CAST: variants seen among roughly 807,000 people sequenced by gnomAD.
The protein encoded by CAST is MIR583 host.
Under a neutral mutation model 119.6 loss-of-function variants are expected in CAST, and 76 were observed. The observed-to-expected ratio is 0.64, with a 90% CI of 0.53 to 0.77. The LOEUF (loss-of-function observed/expected upper bound fraction) is 0.77. CAST is among the 30% of genes least tolerant of loss of function. The probability of loss-of-function intolerance (pLI) is 0.00; values close to 1 mark genes in which losing one functional copy is unlikely to be tolerated. For synonymous variants in CAST, 319 were observed against 331.6 expected, an observed-to-expected ratio of 0.96 and a Z score of 0.41; for missense variants, 953 against 946.5, an observed-to-expected ratio of 1.01 and a Z score of -0.09.
chr5:96,091,206 C>CT, the CAST span, among the ~76,000 whole-genome samples: 3,244 of 143,278 alleles, frequency 0.023, 92 homozygotes, highest in African/African-American at 0.071. Context: ...GAATCTCTCT[C>CT]TTTTTTTTTT....
chr5:96,667,940 G>C (rs184956857), intron 1 of CAST, among the ~76,000 whole-genome samples: 1 of 152,176 alleles, frequency 6.6e-6, no homozygotes, highest in Non-Finnish European at 1.5e-5. Flanking sequence ...GCGTGAACCC[G>C]CGAGGCGGAG....
chr5:96,230,616 A>G, the CAST span, among the ~76,000 whole-genome samples: 4 of 152,096 alleles, frequency 2.6e-5, no homozygotes, highest in African/African-American at 7.2e-5. Flanking sequence ...GACTCCAAAA[A>G]CGTAAGCAAT....
upstream of CAST, among the ~76,000 whole-genome samples, chr5:96,526,636 A>T (rs1433672283): frequency 1.3e-5 from 2 of 152,202 alleles, no homozygotes; most frequent in African/African-American, 4.8e-5. Flanking sequence ...TTCTGAACCC[A>T]TTCAGTCACA....
chr5:96,746,462 T>TG (rs1468521634), intron 17 of CAST, 37 bp downstream of exon 17: 5 of 1,121,210 alleles, frequency 4.5e-6, no homozygotes, highest in Non-Finnish European at 5.5e-6. Context: ...AACAGCATCT[T>TG]GCCTTTGCAT....
At chr5:96,524,463 G>A (rs1745567719), upstream of CAST, among the ~76,000 whole-genome samples, 1 of 152,204 alleles carries the variant, frequency 6.6e-6, no homozygotes, top group Non-Finnish European at 1.5e-5. Flanking sequence ...CAGGGACTCA[G>A]CATTCCAGCA....
chr5:96,216,549 C>A, the CAST span, among the ~76,000 whole-genome samples: 2 of 152,142 alleles, frequency 1.3e-5, no homozygotes, highest in African/African-American at 4.8e-5. Flanking sequence ...ATCTTTTACC[C>A]ACACATGATT....
the CAST span, chr5:96,423,505 T>A: frequency 6.3e-7 from 1 of 1,584,104 alleles, no homozygotes; most frequent in Non-Finnish European, 8.7e-7. Flanking sequence ...ATCATTTGCT[T>A]GCTACAAAAT....
the CAST span, among the ~76,000 whole-genome samples, chr5:96,048,823 G>A: frequency 5.9e-4 from 90 of 152,280 alleles, no homozygotes; most frequent in Non-Finnish European, 1.1e-3. Context: ...CTTCTGAAAA[G>A]AGCAATAAGA....
chr5:96,737,285 T>C (rs551708701), intron 10 of CAST, among the ~76,000 whole-genome samples: 1 of 151,968 alleles, frequency 6.6e-6, no homozygotes, highest in East Asian at 1.9e-4. Flanking sequence ...GTAATTTCTG[T>C]TTTGTAAACC....
the CAST span, among the ~76,000 whole-genome samples, chr5:96,427,517 C>A: frequency 1.3e-5 from 2 of 152,126 alleles, no homozygotes; most frequent in South Asian, 4.1e-4. Flanking sequence ...TATTCTTGGG[C>A]TAATTTTTTA....
the CAST span, chr5:96,392,831 T>A: frequency 6.6e-5 from 46 of 696,738 alleles, no homozygotes; most frequent in Non-Finnish European, 1.1e-4. Flanking sequence ...TTGAACTTCC[T>A]GCTTGAGCTC....
the CAST span, among the ~76,000 whole-genome samples, chr5:96,354,791 G>A: frequency 6.7e-6 from 1 of 149,914 alleles, no homozygotes; most frequent in Admixed American, 6.7e-5. Flanking sequence ...TGGAGCTTAG[G>A]CAATAAATGT....
intron 1 of CAST, among the ~76,000 whole-genome samples, chr5:96,538,215 G>A (rs564571411): frequency 6.6e-6 from 1 of 152,220 alleles, no homozygotes; most frequent in Non-Finnish European, 1.5e-5. Context: ...ATCAAGAGCA[G>A]TGTCAAGTTC....
chr5:96,727,418 A>G, intron 5 of CAST, 71 bp from the exon 6 acceptor site: 2 of 770,078 alleles, frequency 2.6e-6, no homozygotes, highest in Middle Eastern at 3.4e-4. Flanking sequence ...AAAATCTGTG[A>G]TAGTCTTTGT....
intron 8 of CAST, 141 bp from the exon 9 acceptor site, chr5:96,730,639 A>G: frequency 1.5e-6 from 1 of 664,312 alleles, no homozygotes; most frequent in Non-Finnish European, 2.7e-6. Context: ...TGCACCATGT[A>G]CAATAGAAGT....
the CAST span, among the ~76,000 whole-genome samples, chr5:96,086,932 G>T: frequency 6.6e-6 from 1 of 152,138 alleles, no homozygotes; most frequent in Non-Finnish European, 1.5e-5. Flanking sequence ...TTTGGTTGAG[G>T]TCTACTTTTT....
At chr5:96,283,463 G>A in the CAST span, among the ~76,000 whole-genome samples, 1 of 152,196 alleles carries the variant, frequency 6.6e-6, no homozygotes, top group African/African-American at 2.4e-5. Context: ...CACTTTCCTG[G>A]CCGCAGGCAC....
chr5:96,216,195 CTGTT>C, the CAST span, among the ~76,000 whole-genome samples: 1 of 152,040 alleles, frequency 6.6e-6, no homozygotes, highest in Non-Finnish European at 1.5e-5. Context: ...TGTGATTTGA[CTGTT>C]TATGTTATCA....
chr5:96,638,885 C>T (rs768211454), intron 1 of CAST, among the ~76,000 whole-genome samples: 12 of 152,190 alleles, frequency 7.9e-5, no homozygotes, highest in Non-Finnish European at 1.6e-4. Context: ...TATCCCTTCT[C>T]AGTTTCATCT....
Sources: gnomAD v4.1 joint callset for allele counts (sites outside exome capture counted in the v4.1 genomes callset) on GRCh38, gnomAD v4.1.1 for gene constraint, MANE v1.5 for transcripts, NCBI Gene and HGNC (gene_info 2026-07-23, HGNC 2026-07-21) for gene names.